STRADA: variants seen among roughly 807,000 people sequenced by gnomAD.
STRADA encodes STE20 related adaptor alpha.
STRADA carries 26 observed loss-of-function variants against 55.0 expected under a neutral mutation model. That is an observed-to-expected ratio of 0.47 (90% CI 0.35 to 0.66). The LOEUF (loss-of-function observed/expected upper bound fraction) is 0.66. Among genes scored for constraint, STRADA ranks in the 30% least tolerant of loss-of-function variants. The pLI, the probability that STRADA is intolerant of heterozygous loss-of-function variation, is 0.01. For synonymous variants in STRADA, 197 were observed against 210.9 expected, an observed-to-expected ratio of 0.93 and a Z score of 0.57; for missense variants, 443 against 549.7, an observed-to-expected ratio of 0.81 and a Z score of 1.94.
chr17:63,704,620 T>TGGGGGGGGGGGGGGG, intron 10 of STRADA, 38 bp from the exon 11 acceptor site: 1 of 1,212,834 alleles, frequency 8.2e-7, no homozygotes, highest in East Asian at 3.5e-5. Context: ...CTGTAGCGGG[T>TGGGGGGGGGGGGGGG]GGGGGGGGGG....
Position 63,703,479 on chromosome 17 carries a change from T to C in STRADA, c.*120A>G, listed in dbSNP as rs1339399779. On this transcript the variant is annotated 3_prime_UTR_variant, in exon 13 of 13. Transcript: ENST00000336174. Reference sequence around the variant, plus strand: ...CCAATCAGTCAGCAGTCAACTTTCCTGGAAGAATGTCCTTTCTACCCAATC... The same window carrying C: ...CCAATCAGTCAGCAGTCAACTTTCCCGGAAGAATGTCCTTTCTACCCAATC... 3.0e-6 allele frequency: 3 copies of C among 984,746 alleles called. No individual in the cohort carries two copies. Among genetic ancestry groups the C allele is most frequent in the Non-Finnish European group, 4.4e-6 (3 of 675,520 alleles). The allele number at this position is 984,746 out of a possible 1,614,324, so 61.0% of individuals were successfully genotyped here.
Position 63,728,387 on chromosome 17 carries a change from G to A in STRADA, c.-18C>T, listed in dbSNP as rs4968597. 1,016,109 of 1,604,478 alleles carry A rather than the reference G, an allele frequency of 0.63. 326,534 individuals carry two copies. Among genetic ancestry groups the A allele is most frequent in the African/African-American group, 0.9 (67,611 of 74,720 alleles). On this transcript the variant is annotated 5_prime_UTR_variant, in exon 2 of 13. Transcript: ENST00000336174. ...AATGACATGAGTTCCTACTGTGTAG[G>A]CCTACTTCAGTTTCAAAAACTTAAA...
chr17:63,734,637 A>T (rs980238413), intron 1 of STRADA, among the ~76,000 whole-genome samples: 5 of 148,650 alleles, frequency 3.4e-5, no homozygotes, highest in Non-Finnish European at 6.0e-5. Flanking sequence ...ACCCTGTCTC[A>T]AAAAAAAAGA....
In STRADA at chr17:63,703,178, C is replaced by CTA. The variant is rs917360830; in HGVS notation, c.*419_*420dup. Reference sequence around the variant, plus strand: ...GCTTACTACTTGCCCTTTCACTGACCTATAGCATCTGAGGCATCTGAGAGC... The same window carrying CTA: ...GCTTACTACTTGCCCTTTCACTGACCTATATAGCATCTGAGGCATCTGAGAGC... On this transcript the variant is annotated 3_prime_UTR_variant, in exon 13 of 13. Coordinates refer to ENST00000336174, the MANE Select transcript of STRADA (RefSeq NM_001003787.4). 5.8e-6 allele frequency: 1 copy of CTA among 172,334 alleles called. No individual in the cohort carries two copies. Among genetic ancestry groups the CTA allele is most frequent in the Non-Finnish European group, 1.3e-5 (1 of 79,146 alleles). 10.7% of individuals were successfully genotyped at this position (172,334 alleles called of 1,614,324 possible). A position where few individuals can be genotyped will look rare whatever the true frequency, so the allele number is the denominator to read the frequency against.
In STRADA at chr17:63,710,847, T is replaced by C. The variant is rs761540012; in HGVS notation, c.349-11A>G. 2.5e-5 allele frequency: 41 copies of C among 1,613,302 alleles called. No homozygotes were observed. Among genetic ancestry groups the C allele is most frequent in the Non-Finnish European group, 3.5e-5 (41 of 1,179,396 alleles). On this transcript the variant is annotated splice_polypyrimidine_tract_variant and intron_variant, in intron 6 of 12. Coordinates refer to ENST00000336174, the MANE Select transcript of STRADA (RefSeq NM_001003787.4). ...GACATGCAGCTCGCCCTGGAAGCAA[T>C]GATGAAGCTGAAGTCAGAACCAAAT...
chr17:63,705,220 C>T lies in STRADA; in HGVS notation c.859-638G>A, dbSNP rs902769246. ...TAGAGCTGCACTAACGTGATAGCCA[C>T]TAGCCACTTGTGGCTATTTCGATTT... is the stretch of plus-strand genomic sequence containing the variant. On this transcript the variant is annotated intron_variant, in intron 10 of 12. Coordinates refer to ENST00000336174, the MANE Select transcript of STRADA (RefSeq NM_001003787.4). 1.3e-5 allele frequency: 6 copies of T among 466,850 alleles called. No homozygotes were observed. In the Admixed American group the frequency reaches 1.4e-4, roughly 11 times the overall value. 28.9% of individuals were successfully genotyped at this position (466,850 alleles called of 1,614,324 possible).
At chr17:63,712,762 A>G (rs2036585929) in intron 6 of STRADA, among the ~76,000 whole-genome samples, 1 of 152,098 alleles carries the variant, frequency 6.6e-6, no homozygotes, top group Admixed American at 6.5e-5. Flanking sequence ...GCACTTTGGG[A>G]GACCAAGGCA....
intron 4 of STRADA, among the ~76,000 whole-genome samples, chr17:63,722,941 T>C (rs1335137311): frequency 6.6e-6 from 1 of 152,220 alleles, no homozygotes. Context: ...ATTAATAAAC[T>C]AAGGACGGAA....
intron 4 of STRADA, among the ~76,000 whole-genome samples, chr17:63,719,676 G>T (rs1337935722): frequency 6.6e-6 from 1 of 152,112 alleles, no homozygotes; most frequent in Non-Finnish European, 1.5e-5. Context: ...TAGAGATGGG[G>T]TTTCATTGTG....
Position 63,728,430 on chromosome 17 carries a change from A to C in STRADA, c.-44-17T>G. On this transcript the variant is annotated splice_polypyrimidine_tract_variant and intron_variant, in intron 1 of 12. Transcript: ENST00000336174. ...AACTTAAACCTAAAAGGAAAATAGA[A>C]ACAGGTTGAGTTAGCAAAAATCTCC... 6.7e-7 allele frequency: 1 copy of C among 1,484,518 alleles called. No homozygotes were observed. The highest frequency in any genetic ancestry group is 9.2e-7 in the Non-Finnish European group (1 of 1,087,850). 92.0% of individuals were successfully genotyped at this position (1,484,518 alleles called of 1,614,324 possible).
intron 9 of STRADA, 141 bp from the exon 10 acceptor site, chr17:63,706,880 G>T: frequency 1.5e-6 from 1 of 667,200 alleles, no homozygotes. Flanking sequence ...TGCTACTGAA[G>T]ACTAACTGGT....
chr17:63,739,399 C>T (rs1243233803), intron 1 of STRADA, among the ~76,000 whole-genome samples: 1 of 151,808 alleles, frequency 6.6e-6, no homozygotes, highest in Non-Finnish European at 1.5e-5. Flanking sequence ...ATGAACTTGC[C>T]CAGGCTGGTC....
intron 3 of STRADA, chr17:63,725,666 T>TAAACTATAGGATAC (rs1227796368): frequency 6.6e-6 from 1 of 151,466 alleles, no homozygotes; most frequent in Non-Finnish European, 1.5e-5. Context: ...ATCTGTTTCT[T>TAAACTATAGGATAC]TCTTTCCTTT....
rs1002906181 is a variant in STRADA at position 63,740,340 on chromosome 17, C to T, written c.-45+1401G>A. ...CGGCCTGACCAACATGGTGAAACCC[C>T]GTCTCTACTGAAAATACAAAAATTA... is the stretch of plus-strand genomic sequence containing the variant. On this transcript the variant is annotated intron_variant, in intron 1 of 12. Coordinates refer to ENST00000336174, the MANE Select transcript of STRADA (RefSeq NM_001003787.4). Among the ~76,000 whole-genome samples, 7 of 150,988 alleles carry T rather than the reference C, an allele frequency of 4.6e-5. No individual in the cohort carries two copies. The East Asian group carries it at 1.4e-3, about 29-fold the overall frequency.
chr17:63,724,275 T>C (rs1453749198), intron 3 of STRADA, among the ~76,000 whole-genome samples: 1 of 152,126 alleles, frequency 6.6e-6, no homozygotes, highest in Non-Finnish European at 1.5e-5. Flanking sequence ...CCCAAGTAGC[T>C]GGGATTACAG....
At chr17:63,704,985 C>T (rs2035986918) in intron 10 of STRADA, 1 of 1,362,010 alleles carries the variant, frequency 7.3e-7, no homozygotes, top group African/African-American at 1.4e-5. Context: ...CCGATGAGGT[C>T]TGAGAGGCAG....
At chr17:63,715,476 A>G (rs2036807181) in intron 4 of STRADA, 1 of 152,216 alleles carries the variant, frequency 6.6e-6, no homozygotes, top group South Asian at 2.1e-4. Context: ...TTTTTAAGAT[A>G]TGGGTTATCT....
At chr17:63,703,961 G>C in intron 12 of STRADA, 44 bp downstream of exon 12, 1 of 1,601,194 alleles carries the variant, frequency 6.2e-7, no homozygotes, top group Admixed American at 1.7e-5. Context: ...TGAGTTGTTA[G>C]AACCAGAACT....
chr17:63,706,471 CAAAG>C, intron 10 of STRADA, 160 bp downstream of exon 10: 2 of 615,830 alleles, frequency 3.2e-6, no homozygotes, highest in Admixed American at 2.8e-5. Context: ...AGGAAGTAAA[CAAAG>C]AGTGAGGTCA....
Sources: gnomAD v4.1 joint callset for allele counts (sites outside exome capture counted in the v4.1 genomes callset) on GRCh38, gnomAD v4.1.1 for gene constraint, MANE v1.5 for transcripts, NCBI Gene and HGNC (gene_info 2026-07-23, HGNC 2026-07-21) for gene names.